The following ERI2 variants were observed in gnomAD, a reference collection of about 807,000 sequenced individuals.
ERI2 encodes ERI1 exoribonuclease family member 2.
Under a neutral mutation model 46.8 loss-of-function variants are expected in ERI2, and 35 were observed. The observed-to-expected ratio is 0.75, with a 90% CI of 0.57 to 0.99. The LOEUF is 0.99. Among genes scored for constraint, ERI2 ranks in the 50% least tolerant of loss-of-function variants. The pLI is 0.00. For missense variants in ERI2, 695 were observed against 796.2 expected, an observed-to-expected ratio of 0.87 and a Z score of 1.53; for synonymous variants, 224 against 271.0, an observed-to-expected ratio of 0.83 and a Z score of 1.70.
Position 20,798,253 on chromosome 16 carries a change from A to G in ERI2, c.1547T>C (p.Met516Thr). ...TTTCCCCAAAACTAAAGGATGAGACATATTGGCATTAACTCTGTTGAAGGT... is the reference window on the plus strand; with the variant it reads ...TTTCCCCAAAACTAAAGGATGAGACGTATTGGCATTAACTCTGTTGAAGGT... Reference protein sequence around the residue: ...SSTFNRVNANMSHPLVLGKHP... With the variant: ...SSTFNRVNANTSHPLVLGKHP... The change falls in exon 9 of 9, where the codon ATG (methionine) becomes ACG (threonine). Residue 516 changes from methionine to threonine, a missense_variant. Coordinates refer to ENST00000357967, the MANE Select transcript of ERI2 (RefSeq NM_001142725.2). 6.4e-7 allele frequency: 1 copy of G among 1,551,616 alleles called. No homozygotes were observed. Among genetic ancestry groups the G allele is most frequent in the Non-Finnish European group, 8.7e-7 (1 of 1,146,908 alleles).
At chr16:20,802,668 C>G (rs1008598666) in intron 4 of ERI2, 128 bp downstream of exon 4, 2 of 1,129,622 alleles carry the variant, frequency 1.8e-6, no homozygotes, top group African/African-American at 3.1e-5. Flanking sequence ...GAACATCAGC[C>G]TGCAAAGTGC....
At chr16:20,787,981 C>A (rs2080510926) in intron 10 of ERI2, among the ~76,000 whole-genome samples, 1 of 152,132 alleles carries the variant, frequency 6.6e-6, no homozygotes, top group Non-Finnish European at 1.5e-5. Context: ...TCATAGGTTT[C>A]TTGTGGTGAT....
chr16:20,800,843 ATT>A, intron 5 of ERI2: 1 of 172,468 alleles, frequency 5.8e-6, no homozygotes, highest in Non-Finnish European at 1.2e-5. Context: ...TAAATGGCTC[ATT>A]TTTTTTTTCT....
At chr16:20,793,655 A>G (rs2080654028), downstream of ERI2, among the ~76,000 whole-genome samples, 1 of 152,288 alleles carries the variant, frequency 6.6e-6, no homozygotes, top group African/African-American at 2.4e-5. Flanking sequence ...GGGAATTGGT[A>G]GTTTGTCAAG....
rs911690317 is a variant in ERI2, at chr16:20,803,503, G to A, written c.105C>T (p.Asp35=). The A allele has an allele frequency of 1.2e-6, 2 of 1,613,830 alleles. No homozygotes were observed. The highest frequency in any genetic ancestry group is 2.7e-5 in the African/African-American group (2 of 74,918). Residue 35 remains aspartate, a synonymous_variant, in exon 3 of 9, where the codon GAC becomes GAT. Coordinates refer to ENST00000357967, the MANE Select transcript of ERI2 (RefSeq NM_001142725.2). ...LGRSKSKQLF[D]YLIVIDFEST... is the part of the protein sequence containing the mutation. ...ATTCAAAATCAATGACAATTAAGTA[G>A]TCAAACAACTGCTCTGCAAAAGATC...
At position 20,800,034 on chromosome 16, in the gene ERI2, A is replaced by G; in HGVS notation, c.566T>C (p.Phe189Ser). Reference protein sequence around the residue: ...WIDLRATYKLFYRRKPKGLSG... With the variant: ...WIDLRATYKLSYRRKPKGLSG... ...TAGTCCTTTTGGTTTTCTCCTATAG[A>G]AAAGCTAACCAATAAAAAAAGATAT... Residue 189 changes from phenylalanine (F) to serine (S), a missense_variant, in exon 7 of 9, where the codon TTC (phenylalanine) becomes TCC (serine). Phe to Ser is a radical substitution (Grantham distance 155). Coordinates refer to ENST00000357967, the MANE Select transcript of ERI2 (RefSeq NM_001142725.2). The G allele has an allele frequency of 6.4e-7, 1 of 1,570,862 alleles. No individual in the cohort carries two copies. The highest frequency in any genetic ancestry group is 8.7e-7 in the Non-Finnish European group (1 of 1,148,150).
chr16:20,805,871 C>T (rs1277098353), intron 1 of ERI2: 15 of 729,422 alleles, frequency 2.1e-5, no homozygotes, highest in Non-Finnish European at 2.5e-5. Flanking sequence ...AGGGTGGACG[C>T]GCCACGTTAT....
At chr16:20,805,319 G>A (rs548150067) in intron 1 of ERI2, among the ~76,000 whole-genome samples, 1 of 152,122 alleles carries the variant, frequency 6.6e-6, no homozygotes, top group Non-Finnish European at 1.5e-5. Context: ...CAGCTACTTG[G>A]GAGGCTGAGG....
chr16:20,792,107 GA>G (rs1436910296), downstream of ERI2: 1 of 1,614,140 alleles, frequency 6.2e-7, no homozygotes. Flanking sequence ...TGCAAGAGCA[GA>G]TGATGTCATA....
At position 20,797,827 on chromosome 16, in the gene ERI2, CCT is replaced by C. The variant is rs2152494477; in HGVS notation, c.1971_1972del (p.Gly659ThrfsTer4). On this transcript the variant is annotated frameshift_variant, in exon 9 of 9. Transcript: ENST00000357967. LOFTEE classifies it high-confidence loss of function. The stretch of plus-strand genomic sequence containing the variant: ...TTCTGGAGAACTAAAAGTGAGTCCC[CCT>C]GTGGAATGAGATGGAACCATGCTGT... 6.4e-7 allele frequency: 1 copy of C among 1,551,400 alleles called. No individual in the cohort carries two copies. The highest frequency in any genetic ancestry group is 1.4e-5 in the African/African-American group (1 of 73,116).
At chr16:20,793,461 T>C (rs2080648179), downstream of ERI2, among the ~76,000 whole-genome samples, 1 of 151,000 alleles carries the variant, frequency 6.6e-6, no homozygotes, top group Admixed American at 6.6e-5. Context: ...AGAACAAGAC[T>C]CCGCCTCAAA....
In ERI2 at chr16:20,799,056, C is replaced by T; in HGVS notation, c.744G>A (p.Lys248=). ...ITRSLNKVPT[K]KNFSILARNL... ...TTCTGGCCAGAATGCTGAAATTCTTCTTAGTGGGAACCTATGATTCCACAG... is the reference window on the plus strand; with the variant it reads ...TTCTGGCCAGAATGCTGAAATTCTTTTTAGTGGGAACCTATGATTCCACAG... Residue 248 remains lysine (K), a synonymous_variant, in exon 9 of 9, where the codon AAG becomes AAA. Transcript: ENST00000357967. 1 of 1,507,612 alleles carries T rather than the reference C, an allele frequency of 6.6e-7. No individual in the cohort carries two copies. The highest frequency in any genetic ancestry group is 8.8e-7 in the Non-Finnish European group (1 of 1,132,230). 93.4% of individuals were successfully genotyped at this position (1,507,612 alleles called of 1,614,324 possible). A position where few individuals can be genotyped will look rare whatever the true frequency, so the allele number is the denominator to read the frequency against.
Position 20,798,071 on chromosome 16 carries a change from A to C in ERI2, c.1729T>G (p.Leu577Val). 6.4e-7 allele frequency: 1 copy of C among 1,551,616 alleles called. No individual in the cohort carries two copies. The change falls in exon 9 of 9, where the codon TTA becomes GTA. Residue 577 changes from leucine to valine, a missense_variant. By Grantham distance (32) the Leu-to-Val change is conservative. Coordinates refer to ENST00000357967, the MANE Select transcript of ERI2 (RefSeq NM_001142725.2). The stretch of plus-strand genomic sequence containing the variant: ...TCTTGTAGGTTAACTGTAGAAGTTA[A>C]TATAGATGGGAGACGCCTCCAGGAA... ...SSSWRRLPSI[L>V]TSTVNLQEPW...
downstream of ERI2, chr16:20,792,255 G>T (rs937905737): frequency 6.2e-7 from 1 of 1,614,114 alleles, no homozygotes; most frequent in Non-Finnish European, 8.5e-7. Flanking sequence ...TGGACCATTT[G>T]AGGTAGAAAA....
chr16:20,790,783 T>C lies in ERI2; in HGVS notation c.815+67A>G, dbSNP rs371304847. 13 of 1,613,242 alleles carry C rather than the reference T, an allele frequency of 8.1e-6. No individual in the cohort carries two copies. The East Asian group carries it at 1.8e-4, about 22-fold the overall frequency. On this transcript the variant is annotated intron_variant, in intron 9 of 10. Coordinates refer to the ERI2 transcript ENST00000300005. The surrounding 1 kb of genome is among the most constrained non-coding windows in gnomAD (Gnocchi z 4.0). ...CACAAAACATACCTAGGATAGGTAC[T>C]TGACCCTTTCTTGAGAGATTGGTTG...
chr16:20,784,204 C>CA (rs1402662000), intron 10 of ERI2, among the ~76,000 whole-genome samples: 3 of 152,122 alleles, frequency 2.0e-5, no homozygotes, highest in African/African-American at 7.2e-5. Flanking sequence ...CTGTGTTGTG[C>CA]AATATGGTAG....
intron 10 of ERI2, among the ~76,000 whole-genome samples, chr16:20,786,500 G>T (rs1364374497): frequency 6.6e-6 from 1 of 152,150 alleles, no homozygotes; most frequent in African/African-American, 2.4e-5. Flanking sequence ...GGGCAACAAC[G>T]TGAGACTTTG....
Position 20,797,331 on chromosome 16 carries a change from T to A in ERI2, c.*393A>T. ...ATGTTGATATACAAATCAGAACCAATGTTCAAGCCTGAAATAAAACTAAAG... is the reference window on the plus strand; with the variant it reads ...ATGTTGATATACAAATCAGAACCAAAGTTCAAGCCTGAAATAAAACTAAAG... On this transcript the variant is annotated 3_prime_UTR_variant, in exon 9 of 9. Coordinates refer to ENST00000357967, the MANE Select transcript of ERI2 (RefSeq NM_001142725.2). 9.9e-7 allele frequency: 1 copy of A among 1,008,376 alleles called. No individual in the cohort carries two copies. Among genetic ancestry groups the A allele is most frequent in the Non-Finnish European group, 1.2e-6 (1 of 845,532 alleles). The allele number at this position is 1,008,376 out of a possible 1,614,324, so 62.5% of individuals were successfully genotyped here. A position where few individuals can be genotyped will look rare whatever the true frequency, so the allele number is the denominator to read the frequency against.
chr16:20,796,232 C>T, downstream of ERI2: 1 of 1,400,658 alleles, frequency 7.1e-7, no homozygotes, highest in Non-Finnish European at 9.4e-7. Flanking sequence ...CTTAAGAGCA[C>T]AGAGCTGGGA....
Sources: allele counts gnomAD v4.1 joint callset (sites outside exome capture counted in the v4.1 genomes callset), GRCh38; gene constraint gnomAD v4.1.1; non-coding constraint Gnocchi (gnomAD v3.1); transcripts MANE v1.5; gene names NCBI Gene and HGNC (gene_info 2026-07-23, HGNC 2026-07-21).